Variants in PCDHA12 observed in about 807,000 individuals in gnomAD.
PCDHA12 encodes the protein protocadherin alpha-12.
A neutral mutation model predicts 60.0 loss-of-function variants in PCDHA12; 44 were observed. The observed-to-expected ratio is 0.73, with a 90% CI of 0.58 to 0.94. PCDHA12 has a LOEUF of 0.94. PCDHA12 is among the 40% of genes least tolerant of loss of function. The pLI, the probability that PCDHA12 is intolerant of heterozygous loss-of-function variation, is 0.00. For synonymous variants in PCDHA12, 569 were observed against 553.0 expected (o/e 1.03, Z -0.40); for missense variants, 1,276 against 1,239.7 (o/e 1.03, Z -0.44).
intron 1 of PCDHA12, chr5:140,884,559 C>A (rs782174598): frequency 6.2e-7 from 1 of 1,614,094 alleles, no homozygotes; most frequent in South Asian, 1.1e-5. Flanking sequence ...GGGGAGGGCC[C>A]GCATAAGACG....
intron 1 of PCDHA12, among the ~76,000 whole-genome samples, chr5:140,890,597 G>A (rs527637387): frequency 2.6e-5 from 4 of 152,002 alleles, no homozygotes; most frequent in African/African-American, 4.8e-5. Flanking sequence ...GCCCTTTTCC[G>A]AATAGCTAGT....
intron 1 of PCDHA12, among the ~76,000 whole-genome samples, chr5:140,941,193 TTCTTTCTTC>T (rs1563183581): frequency 8.6e-6 from 1 of 116,638 alleles, no homozygotes; most frequent in Non-Finnish European, 1.8e-5. Flanking sequence ...TTCTTTTTTT[TTCTTTCTTC>T]CTTTCTTTCT....
chr5:140,967,725 T>C lies in PCDHA12; in HGVS notation c.2368-11224T>C, dbSNP rs782758957. 16 of 1,613,798 alleles carry C rather than the reference T, an allele frequency of 9.9e-6. No individual in the cohort carries two copies. The East Asian group carries it at 2.0e-4, about 20-fold the overall frequency. On this transcript the variant is annotated intron_variant, in intron 1 of 3. Transcript: ENST00000398631. ...GCCAGTACCGGGGAAGTGCGAGTAA[T>C]TGGGGGGCTGGATTATGAGGAAGCC...
intron 1 of PCDHA12, among the ~76,000 whole-genome samples, chr5:140,915,554 G>A (rs1276502641): frequency 6.6e-6 from 1 of 152,036 alleles, no homozygotes; most frequent in Non-Finnish European, 1.5e-5. Context: ...ATAAGATCCA[G>A]AATGATTATC....
Position 140,988,156 on chromosome 5 carries a change from C to T in PCDHA12, c.2515+5593C>T, listed in dbSNP as rs546335543. Among the ~76,000 whole-genome samples, 7 of 152,172 alleles carry T rather than the reference C, an allele frequency of 4.6e-5. No individual in the cohort carries two copies. The South Asian group carries it at 1.5e-3, about 32-fold the overall frequency. On this transcript the variant is annotated intron_variant, in intron 3 of 3. Coordinates refer to ENST00000398631, the MANE Select transcript of PCDHA12 (RefSeq NM_018903.4). ...TAACCTGTTCAACCTCAACTTCTGCCGTTGTCATAGCAATGACAGTCCTGG... is the reference window on the plus strand; with the variant it reads ...TAACCTGTTCAACCTCAACTTCTGCTGTTGTCATAGCAATGACAGTCCTGG...
At chr5:140,940,566 G>T (rs1226026261) in intron 1 of PCDHA12, among the ~76,000 whole-genome samples, 1 of 151,754 alleles carries the variant, frequency 6.6e-6, no homozygotes, top group African/African-American at 2.4e-5. Flanking sequence ...CTCCTACCTT[G>T]GCTCCCAAAG....
chr5:140,966,982 G>C, intron 1 of PCDHA12: 1 of 1,603,506 alleles, frequency 6.2e-7, no homozygotes, highest in Non-Finnish European at 8.5e-7. Flanking sequence ...TGCGGCGCTT[G>C]GGGCCGGGTT....
At chr5:140,947,655 A>G (rs942849633) in intron 1 of PCDHA12, among the ~76,000 whole-genome samples, 3 of 151,542 alleles carry the variant, frequency 2.0e-5, no homozygotes, top group Non-Finnish European at 4.4e-5. Context: ...ATATACCTCC[A>G]TTTACTTGGG....
chr5:140,994,209 A>G (rs2097604620), intron 3 of PCDHA12, among the ~76,000 whole-genome samples: 1 of 152,142 alleles, frequency 6.6e-6, no homozygotes, highest in Non-Finnish European at 1.5e-5. Flanking sequence ...CCAGAATGGG[A>G]CCCAGGGTCT....
chr5:140,951,922 T>C (rs191831107), intron 1 of PCDHA12, among the ~76,000 whole-genome samples: 135 of 152,266 alleles, frequency 8.9e-4, no homozygotes, highest in Non-Finnish European at 1.0e-3. Flanking sequence ...AACAAGTTAG[T>C]TACTCCCAAG....
chr5:140,879,744 A>T (rs1356373675), intron 1 of PCDHA12, among the ~76,000 whole-genome samples: 1 of 152,212 alleles, frequency 6.6e-6, no homozygotes, highest in Admixed American at 6.5e-5. Flanking sequence ...AGGTGTTGTC[A>T]AGGCTATACT....
At chr5:140,901,469 G>A (rs1056054450) in intron 1 of PCDHA12, among the ~76,000 whole-genome samples, 1 of 152,080 alleles carries the variant, frequency 6.6e-6, no homozygotes, top group African/African-American at 2.4e-5. Flanking sequence ...CTTTTCTCGA[G>A]TTTATGTTCT....
At chr5:140,927,547 G>A (rs2084343936) in intron 1 of PCDHA12, 2 of 1,614,126 alleles carry the variant, frequency 1.2e-6, no homozygotes, top group Non-Finnish European at 8.5e-7. Flanking sequence ...AGACGCACAA[G>A]TCACCATCAT....
At chr5:140,984,471 A>G (rs2153834399) in intron 3 of PCDHA12, among the ~76,000 whole-genome samples, 1 of 152,300 alleles carries the variant, frequency 6.6e-6, no homozygotes, top group Middle Eastern at 3.4e-3. Context: ...CCCCTCTTGT[A>G]TAACCCATTT....
intron 1 of PCDHA12, among the ~76,000 whole-genome samples, chr5:140,902,149 G>T (rs1471758440): frequency 6.8e-6 from 1 of 147,458 alleles, no homozygotes; most frequent in African/African-American, 2.5e-5. Flanking sequence ...AGGATAATTT[G>T]ATTTCTTCCT....
intron 1 of PCDHA12, chr5:140,884,792 G>T: frequency 7.6e-7 from 1 of 1,312,776 alleles, no homozygotes; most frequent in Non-Finnish European, 1.0e-6. Context: ...AGTTGTTATC[G>T]AATTTAACAA....
At chr5:140,933,265 A>G (rs2088994304) in intron 1 of PCDHA12, among the ~76,000 whole-genome samples, 1 of 152,000 alleles carries the variant, frequency 6.6e-6, no homozygotes, top group East Asian at 1.9e-4. Context: ...AGGTTATTAT[A>G]TATTCATTTG....
Position 140,877,599 on chromosome 5 carries a change from C to A in PCDHA12, c.2127C>A (p.Ser709Arg). ...TCATCGCCATCTGTGCGGTGTCCAGCCTGCTGGTGCTCACGCTGCTGCTGT... is the reference window on the plus strand; with the variant it reads ...TCATCGCCATCTGTGCGGTGTCCAGACTGCTGGTGCTCACGCTGCTGCTGT... Reference protein sequence around the residue: ...YLIIAICAVSSLLVLTLLLYT... With the variant: ...YLIIAICAVSRLLVLTLLLYT... Residue 709 changes from serine to arginine, a missense_variant, in exon 1 of 4, where the codon AGC (serine) becomes AGA (arginine). Physicochemically the swap from Ser to Arg is moderately radical, Grantham distance 110. Coordinates refer to ENST00000398631, the MANE Select transcript of PCDHA12 (RefSeq NM_018903.4). The A allele has an allele frequency of 6.2e-7, 1 of 1,613,882 alleles. No homozygotes were observed. Among genetic ancestry groups the A allele is most frequent in the South Asian group, 1.1e-5 (1 of 91,086 alleles).
At chr5:141,004,492 A>G (rs2098168083) in intron 3 of PCDHA12, among the ~76,000 whole-genome samples, 2 of 152,230 alleles carry the variant, frequency 1.3e-5, no homozygotes, top group South Asian at 2.1e-4. Context: ...AACTCTTGGC[A>G]GTCCTGCTGT....
Sources: allele counts gnomAD v4.1 joint callset (sites outside exome capture counted in the v4.1 genomes callset), GRCh38; gene constraint gnomAD v4.1.1; transcripts MANE v1.5; gene names NCBI Gene and HGNC (gene_info 2026-07-23, HGNC 2026-07-21).